CUL2: variants seen among roughly 807,000 people sequenced by gnomAD.
CUL2 encodes the protein cullin 2, also known as cullin-2.
Under a neutral mutation model 110.2 loss-of-function variants are expected in CUL2, and 22 were observed. The ratio of observed to expected loss-of-function variants is 0.20; its 90% CI spans 0.14 to 0.28. CUL2 has a LOEUF of 0.28. CUL2 is among the 10% of genes least tolerant of loss of function. The pLI, the probability that CUL2 is intolerant of heterozygous loss-of-function variation, is 1.00. For missense variants in CUL2, 631 were observed against 905.5 expected (o/e 0.70, Z 3.89); for synonymous variants, 279 against 293.2 (o/e 0.95, Z 0.49).
chr10:35,118,083 G>A (rs1215356104), intron 1 of CUL2: 1 of 152,152 alleles, frequency 6.6e-6, no homozygotes, highest in Non-Finnish European at 1.5e-5. Flanking sequence ...TTCATTCTCA[G>A]TGATGTACAT....
chr10:35,044,051 CAA>C (rs534515519), intron 8 of CUL2, among the ~76,000 whole-genome samples: 11,893 of 86,830 alleles, frequency 0.14, 461 homozygotes, highest in East Asian at 0.23. Context: ...ACCACATCTC[CAA>C]AAAAAAAAAA....
At chr10:35,049,050 T>C (rs540803140) in intron 6 of CUL2, among the ~76,000 whole-genome samples, 1 of 152,320 alleles carries the variant, frequency 6.6e-6, no homozygotes, top group East Asian at 1.9e-4. Context: ...ACTGGATATA[T>C]ATTTGTGTGA....
chr10:35,074,966 G>A (rs556414482), intron 1 of CUL2, among the ~76,000 whole-genome samples: 3 of 152,284 alleles, frequency 2.0e-5, no homozygotes, highest in South Asian at 2.1e-4. Context: ...AAAAGCTAGC[G>A]ATGCTCCCCT....
At chr10:35,074,706 G>A (rs1004180756) in intron 1 of CUL2, among the ~76,000 whole-genome samples, 1 of 152,092 alleles carries the variant, frequency 6.6e-6, no homozygotes, top group East Asian at 1.9e-4. Context: ...GGCTGGTCTC[G>A]AACTCCTGAG....
At chr10:35,122,742 G>C (rs2087692009) in intron 1 of CUL2, among the ~76,000 whole-genome samples, 1 of 152,120 alleles carries the variant, frequency 6.6e-6, no homozygotes, top group African/African-American at 2.4e-5. Context: ...GGTTCAAGTG[G>C]TTCTCATGCC....
Position 35,035,285 on chromosome 10 carries a change from T to C in CUL2, c.889A>G (p.Met297Val). The part of the protein sequence containing the change: ...RQEKKNDMAN[M>V]YVLLRAVSTG... ...GACACAGCACGGAGTAAGACGTACA[T>C]ATTTGCCATGTCTGAGAGGAAAAAG... Residue 297 changes from methionine (M) to valine (V), a missense_variant, in exon 10 of 21, where the codon ATG becomes GTG. Around this residue, in one of 3 missense-constraint regions of CUL2, gnomAD observed 338 missense variants for 442.5 expected, o/e 0.76. Coordinates refer to ENST00000374749, the MANE Select transcript of CUL2 (RefSeq NM_003591.4). 2 of 1,614,000 alleles carry C rather than the reference T, an allele frequency of 1.2e-6. No homozygotes were observed. Among genetic ancestry groups the C allele is most frequent in the South Asian group, 1.1e-5 (1 of 91,056 alleles).
At chr10:35,073,454 T>C (rs778934652) in intron 1 of CUL2, among the ~76,000 whole-genome samples, 46 of 152,098 alleles carry the variant, frequency 3.0e-4, no homozygotes, top group Non-Finnish European at 5.3e-4. Context: ...TCAGCAGAAA[T>C]AGTAACAGTT....
intron 2 of CUL2, among the ~76,000 whole-genome samples, chr10:35,066,837 A>G (rs1229681475): frequency 6.6e-6 from 1 of 152,200 alleles, no homozygotes; most frequent in Non-Finnish European, 1.5e-5. Context: ...AAAATCTAAG[A>G]AAGAATGATG....
intron 6 of CUL2, 71 bp from the exon 7 acceptor site, chr10:35,044,939 C>T (rs2085896593): frequency 5.8e-6 from 6 of 1,032,326 alleles, no homozygotes; most frequent in Non-Finnish European, 9.0e-6. Flanking sequence ...CAAAATATGC[C>T]AAAATATGGC....
chr10:35,062,974 G>T lies in CUL2; in HGVS notation c.208C>A (p.Arg70=). The T allele has an allele frequency of 6.3e-7, 1 of 1,591,676 alleles. No individual in the cohort carries two copies. Among genetic ancestry groups the T allele is most frequent in the Non-Finnish European group, 8.6e-7 (1 of 1,160,188 alleles). Residue 70 remains arginine (R), a synonymous_variant, in exon 3 of 21, where the codon CGG becomes AGG. Coordinates refer to ENST00000374749, the MANE Select transcript of CUL2 (RefSeq NM_003591.4). The stretch of plus-strand genomic sequence containing the variant: ...TCATTGCTTACCTTATGCAAATGCC[G>T]AACATGATTTTCCAAAAAAATCTTA... ...ETKIFLENHV[R]HLHKRVLESE... is the part of the protein sequence containing the mutation.
intron 8 of CUL2, among the ~76,000 whole-genome samples, 162 bp downstream of exon 8, chr10:35,044,404 G>T (rs1374238132): frequency 6.6e-6 from 1 of 151,962 alleles, no homozygotes; most frequent in Admixed American, 6.6e-5. Flanking sequence ...CTTATCAATC[G>T]ATATTATATA....
intron 1 of CUL2, among the ~76,000 whole-genome samples, chr10:35,103,739 C>T (rs1179852737): frequency 6.6e-6 from 1 of 152,150 alleles, no homozygotes; most frequent in African/African-American, 2.4e-5. Context: ...GGATTATAGG[C>T]ATGGGCCACC....
At chr10:35,058,118 A>T (rs552852747) in intron 4 of CUL2, among the ~76,000 whole-genome samples, 123 of 152,314 alleles carry the variant, frequency 8.1e-4, no homozygotes, top group African/African-American at 2.8e-3. Flanking sequence ...TAAAATTTTT[A>T]AAAAAAGAAC....
intron 17 of CUL2, among the ~76,000 whole-genome samples, chr10:35,022,160 G>A (rs1158806811): frequency 6.6e-6 from 1 of 152,138 alleles, no homozygotes; most frequent in Non-Finnish European, 1.5e-5. Flanking sequence ...GCGTTTAGAA[G>A]TACCTGAGAC....
intron 1 of CUL2, among the ~76,000 whole-genome samples, chr10:35,117,226 T>C (rs910292901): frequency 2.0e-5 from 3 of 152,124 alleles, no homozygotes; most frequent in Non-Finnish European, 4.4e-5. Context: ...GCTAGAAGAA[T>C]TGCGGAATTC....
intron 19 of CUL2, 34 bp from the exon 20 acceptor site, chr10:35,011,998 A>C: frequency 1.6e-6 from 2 of 1,233,374 alleles, no homozygotes; most frequent in Non-Finnish European, 2.3e-6. Flanking sequence ...AAGACCCAAC[A>C]AGACATTAAG....
intron 17 of CUL2, 23 bp from the exon 18 acceptor site, chr10:35,016,417 C>T (rs2085034962): frequency 6.6e-7 from 1 of 1,524,468 alleles, no homozygotes. Context: ...CAAAAACTGA[C>T]AGTGAATTGA....
rs111617297 is a variant in CUL2, at chr10:35,062,386, A to G, written c.222+574T>C. On this transcript the variant is annotated intron_variant, in intron 3 of 20. Transcript: ENST00000374749. Reference sequence around the variant, plus strand: ...GATTTACCAAGAGATAGGAATAAAAAACGAGGGAAAATTTGGCTGTATAAA... The same window carrying G: ...GATTTACCAAGAGATAGGAATAAAAGACGAGGGAAAATTTGGCTGTATAAA... Among the ~76,000 whole-genome samples, 939 of 152,264 alleles carry G rather than the reference A, an allele frequency of 6.2e-3. 12 individuals carry two copies. The highest frequency in any genetic ancestry group is 0.021 in the African/African-American group (891 of 41,560).
At chr10:35,068,910 C>T (rs2086608682) in intron 2 of CUL2, among the ~76,000 whole-genome samples, 1 of 152,100 alleles carries the variant, frequency 6.6e-6, no homozygotes, top group African/African-American at 2.4e-5. Flanking sequence ...TCTTATTGCC[C>T]AGGCTGTAGT....
Sources: gnomAD v4.1 joint callset for allele counts (sites outside exome capture counted in the v4.1 genomes callset) on GRCh38, gnomAD v4.1.1 for gene constraint, gnomAD v4.1.1 regional missense constraint, MANE v1.5 for transcripts, NCBI Gene and HGNC (gene_info 2026-07-23, HGNC 2026-07-21) for gene names.